TPCN2: variants seen among roughly 807,000 people sequenced by gnomAD.
TPCN2 encodes the protein two pore channel protein 2.
In TPCN2, 92 loss-of-function variants were observed where a neutral mutation model predicts 111.4. That is an observed-to-expected ratio of 0.83 (90% CI 0.70 to 0.98). TPCN2 has a LOEUF of 0.98. Ranked by LOEUF, TPCN2 falls within the 50% of genes least tolerant of loss-of-function variation. The probability of loss-of-function intolerance (pLI) is 0.00; values close to 1 mark genes in which losing one functional copy is unlikely to be tolerated. For missense variants in TPCN2, 995 were observed against 980.1 expected (o/e 1.02, Z -0.20); for synonymous variants, 405 against 414.5 (o/e 0.98, Z 0.28).
At chr11:69,059,134 C>G (rs1854908047) in intron 5 of TPCN2, among the ~76,000 whole-genome samples, 1 of 152,204 alleles carries the variant, frequency 6.6e-6, no homozygotes, top group Non-Finnish European at 1.5e-5. Flanking sequence ...CTGGACCTTC[C>G]TCCCTGAGGG....
At chr11:69,058,554 G>T (rs1011577531) in intron 5 of TPCN2, among the ~76,000 whole-genome samples, 1 of 152,232 alleles carries the variant, frequency 6.6e-6, no homozygotes, top group African/African-American at 2.4e-5. Context: ...AGGTGCAGCT[G>T]ATAGGAACAG....
chr11:69,081,388 G>A lies in TPCN2; in HGVS notation c.1590-12G>A. Reference sequence around the variant, plus strand: ...GGGCTCCTCCCAACCCGCCTCCCGTGTCTCTCCCCAGGAGGCCGGAGATGG... The same window carrying A: ...GGGCTCCTCCCAACCCGCCTCCCGTATCTCTCCCCAGGAGGCCGGAGATGG... On this transcript the variant is annotated splice_polypyrimidine_tract_variant and intron_variant, in intron 17 of 24. Coordinates refer to ENST00000294309, the MANE Select transcript of TPCN2 (RefSeq NM_139075.4). 6.5e-7 allele frequency: 1 copy of A among 1,539,536 alleles called. No individual in the cohort carries two copies. The highest frequency in any genetic ancestry group is 8.8e-7 in the Non-Finnish European group (1 of 1,142,246).
At chr11:69,064,581 GT>G (rs1452211641) in intron 7 of TPCN2, among the ~76,000 whole-genome samples, 2 of 152,230 alleles carry the variant, frequency 1.3e-5, no homozygotes, top group African/African-American at 4.8e-5. Flanking sequence ...CCAGTGCTAT[GT>G]GTTTGTCCTC....
intron 2 of TPCN2, 69 bp downstream of exon 2, chr11:69,054,166 G>T: frequency 1.5e-6 from 2 of 1,363,786 alleles, no homozygotes; most frequent in South Asian, 2.4e-5. Context: ...CGCCCCTCCA[G>T]GGGCGACTGA....
intron 4 of TPCN2, 62 bp downstream of exon 4, chr11:69,055,414 T>C: frequency 6.8e-7 from 1 of 1,460,610 alleles, no homozygotes; most frequent in Non-Finnish European, 9.1e-7. Context: ...GCCGCTGCTC[T>C]CCTGGTTTAT....
intron 7 of TPCN2, among the ~76,000 whole-genome samples, chr11:69,067,084 A>C (rs12577133): frequency 6.6e-6 from 1 of 152,182 alleles, no homozygotes; most frequent in African/African-American, 2.4e-5. Context: ...AGCAGGCTTC[A>C]CGAAGGGTCC....
rs1856343282 is a variant in TPCN2, at chr11:69,087,776, T to G, written c.2181-99T>G. 4 of 898,650 alleles carry G rather than the reference T, an allele frequency of 4.5e-6. No homozygotes were observed. In the South Asian group the frequency reaches 6.3e-5, roughly 14 times the overall value. 55.7% of individuals were successfully genotyped at this position (898,650 alleles called of 1,614,324 possible). A position where few individuals can be genotyped will look rare whatever the true frequency, so the allele number is the denominator to read the frequency against. ...GTCTCTGTGTCCCTGTGACACTCACTTCGCATGTGTTGCTAAGCTCTGCTC... is the reference window on the plus strand; with the variant it reads ...GTCTCTGTGTCCCTGTGACACTCACGTCGCATGTGTTGCTAAGCTCTGCTC... On this transcript the variant is annotated intron_variant, in intron 24 of 24. Coordinates refer to ENST00000294309, the MANE Select transcript of TPCN2 (RefSeq NM_139075.4).
At chr11:69,054,986 T>A (rs180720917) in intron 3 of TPCN2, among the ~76,000 whole-genome samples, 189 bp downstream of exon 3, 37 of 152,308 alleles carry the variant, frequency 2.4e-4, no homozygotes, top group African/African-American at 8.7e-4. Flanking sequence ...CAACAAGGGT[T>A]CCTTTCTGGA....
intron 22 of TPCN2, 95 bp from the exon 23 acceptor site, chr11:69,086,428 C>G: frequency 9.6e-7 from 1 of 1,036,980 alleles, no homozygotes; most frequent in Non-Finnish European, 1.5e-6. Context: ...GGCCGGCTGC[C>G]CGAGAGCTGT....
At position 69,085,375 on chromosome 11, in the gene TPCN2, A is replaced by T. The variant is rs548965998; in HGVS notation, c.1838+89A>T. The T allele has an allele frequency of 1.6e-4, 204 of 1,295,756 alleles. 2 individuals are homozygous for T. The South Asian group carries it at 2.3e-3, about 14-fold the overall frequency. 80.3% of individuals were successfully genotyped at this position (1,295,756 alleles called of 1,614,324 possible). Reference sequence around the variant, plus strand: ...TGGCGGTGGCCTCAGTGGGCTCAGCATCTCAGGATGGGAGGGTGTTCTCCC... The same window carrying T: ...TGGCGGTGGCCTCAGTGGGCTCAGCTTCTCAGGATGGGAGGGTGTTCTCCC... On this transcript the variant is annotated intron_variant, in intron 20 of 24. Transcript: ENST00000294309.
chr11:69,060,476 T>A (rs1445437713), intron 5 of TPCN2, among the ~76,000 whole-genome samples: 1 of 152,152 alleles, frequency 6.6e-6, no homozygotes, highest in Non-Finnish European at 1.5e-5. Flanking sequence ...AGGCTGCCGG[T>A]CACTGTTGGG....
Position 69,053,015 on chromosome 11 carries a change from G to A in TPCN2, c.110-1018G>A, listed in dbSNP as rs150306298. On this transcript the variant is annotated intron_variant, in intron 1 of 24. Coordinates refer to ENST00000294309, the MANE Select transcript of TPCN2 (RefSeq NM_139075.4). ...TCTGCAGCGAGGCCAGAGGTGGCCCGTGCCTACGATGCGGGTGGGTGGCCC... is the reference window on the plus strand; with the variant it reads ...TCTGCAGCGAGGCCAGAGGTGGCCCATGCCTACGATGCGGGTGGGTGGCCC... Among the ~76,000 whole-genome samples the A allele has an allele frequency of 2.0e-3, 310 of 152,376 alleles. 2 individuals are homozygous for A. The highest frequency in any genetic ancestry group is 7.0e-3 in the African/African-American group (292 of 41,584).
At chr11:69,059,666 T>C (rs1424178246) in intron 5 of TPCN2, among the ~76,000 whole-genome samples, 1 of 152,212 alleles carries the variant, frequency 6.6e-6, no homozygotes, top group East Asian at 1.9e-4. Context: ...TGAAGCAGCA[T>C]TTGCAGGGCT....
chr11:69,072,810 C>T, intron 12 of TPCN2, 102 bp downstream of exon 12: 4 of 1,517,000 alleles, frequency 2.6e-6, no homozygotes, highest in Non-Finnish European at 3.7e-6. Flanking sequence ...AGGTCACCTG[C>T]AGCATTCACA....
chr11:69,054,919 G>A, intron 3 of TPCN2, 122 bp downstream of exon 3: 1 of 1,015,632 alleles, frequency 9.8e-7, no homozygotes, highest in Admixed American at 2.2e-5. Context: ...CATAGATAGG[G>A]CGGTTACCAT....
At chr11:69,058,814 C>T (rs1482076624) in intron 5 of TPCN2, among the ~76,000 whole-genome samples, 1 of 152,234 alleles carries the variant, frequency 6.6e-6, no homozygotes. Flanking sequence ...GCGTGACTGC[C>T]CCAGCAAAGG....
intron 8 of TPCN2, among the ~76,000 whole-genome samples, chr11:69,069,854 C>T (rs1230235042): frequency 0.12 from 1 of 8 alleles, no homozygotes; most frequent in South Asian, 0.5. Flanking sequence ...GGGAGGGCTG[C>T]AGGGAGGTTT....
At chr11:69,079,160 T>C in intron 16 of TPCN2, 140 bp downstream of exon 16, 1 of 1,142,952 alleles carries the variant, frequency 8.7e-7, no homozygotes, top group South Asian at 1.6e-5. Context: ...TGGTGAGGGC[T>C]GGCTTCCCTG....
At chr11:69,076,389 T>C (rs954078616) in intron 13 of TPCN2, among the ~76,000 whole-genome samples, 4 of 152,162 alleles carry the variant, frequency 2.6e-5, no homozygotes, top group Admixed American at 1.3e-4. Context: ...GGTTTCCACA[T>C]TGAGGACTGT....
Sources: gnomAD v4.1 joint callset for allele counts (sites outside exome capture counted in the v4.1 genomes callset) on GRCh38, gnomAD v4.1.1 for gene constraint, MANE v1.5 for transcripts, NCBI Gene and HGNC (gene_info 2026-07-23, HGNC 2026-07-21) for gene names.